PRKN: variants seen among roughly 807,000 people sequenced by gnomAD.
PRKN encodes parkin RBR E3 ubiquitin protein ligase.
A neutral mutation model predicts 59.5 loss-of-function variants in PRKN; 56 were observed. The ratio of observed to expected loss-of-function variants is 0.94; its 90% CI spans 0.76 to 1.18. PRKN has a LOEUF of 1.18. PRKN is among the 50% of genes most tolerant of loss of function. PRKN has a pLI of 0.00. For missense variants in PRKN, 657 were observed against 596.4 expected (o/e 1.10, Z -1.06); for synonymous variants, 250 against 222.1 (o/e 1.13, Z -1.12).
chr6:161,684,267 C>CT (rs200505152), intron 7 of PRKN, among the ~76,000 whole-genome samples: 6,812 of 151,854 alleles, frequency 0.045, 229 homozygotes, highest in Middle Eastern at 0.082. Context: ...ATTATTACAA[C>CT]TTTTTTTTGT....
chr6:161,681,784 A>G (rs1785374975), intron 7 of PRKN, among the ~76,000 whole-genome samples: 1 of 152,188 alleles, frequency 6.6e-6, no homozygotes, highest in African/African-American at 2.4e-5. Flanking sequence ...CACAGTCCCA[A>G]GGGGTAGGCA....
intron 1 of PRKN, among the ~76,000 whole-genome samples, chr6:162,580,973 A>C (rs572473029): frequency 6.8e-4 from 103 of 152,330 alleles, no homozygotes; most frequent in African/African-American, 2.4e-3. Context: ...TGCTGAATTG[A>C]GAAAACATTA....
At position 161,400,227 on chromosome 6, in the gene PRKN, C is replaced by T. The variant is rs1040655734; in HGVS notation, c.1084-13350G>A. 3.3e-5 allele frequency among the ~76,000 whole-genome samples: 5 copies of T among 151,978 alleles called. No homozygotes were observed. Among genetic ancestry groups the T allele is most frequent in the Admixed American group, 6.6e-5 (1 of 15,266 alleles). ...CAGTTAAGGGTCCACAGAACAAAAG[C>T]GACAGAACACCTCCAATATTTTAGA... is the stretch of plus-strand genomic sequence containing the variant. On this transcript the variant is annotated intron_variant, in intron 9 of 11. Coordinates refer to ENST00000366898, the MANE Select transcript of PRKN (RefSeq NM_004562.3). The surrounding 1 kb of genome is among the most constrained non-coding windows in gnomAD (Gnocchi z 4.2).
intron 7 of PRKN, among the ~76,000 whole-genome samples, chr6:161,725,138 A>G (rs1221285367): frequency 6.6e-6 from 1 of 152,252 alleles, no homozygotes; most frequent in Non-Finnish European, 1.5e-5. Flanking sequence ...TGAGCCAATG[A>G]AACCTCTTTC....
rs1247187053 is a variant in PRKN at position 161,946,414 on chromosome 6, A to ACACACACACACACACACACACTCTCT, written c.734+26887_734+26888insAGAGAGTGTGTGTGTGTGTGTGTGTG. 6.9e-3 allele frequency among the ~76,000 whole-genome samples: 789 copies of ACACACACACACACACACACACTCTCT among 114,272 alleles called. 4 individuals are homozygous for ACACACACACACACACACACACTCTCT. Among genetic ancestry groups the ACACACACACACACACACACACTCTCT allele is most frequent in the Non-Finnish European group, 0.011 (616 of 57,724 alleles). The allele number at this position is 114,272 out of a possible 152,430, so 75.0% of individuals were successfully genotyped here. On this transcript the variant is annotated intron_variant, in intron 6 of 11. Coordinates refer to ENST00000366898, the MANE Select transcript of PRKN (RefSeq NM_004562.3). ...CACACACACACACACACACACACAC[A>ACACACACACACACACACACACTCTCT]CTCTCTCTCTCTCTCTCTCTCTCTC...
intron 7 of PRKN, among the ~76,000 whole-genome samples, chr6:161,680,751 ATATATATATATATATATATATATAT>A (rs1262260134): frequency 0.05 from 786 of 15,582 alleles, 48 homozygotes; most frequent in East Asian, 0.19. Context: ...ATATATATAT[ATATATATATATATATATATATATAT>A]TTTTTTTTTT....
At chr6:162,419,147 T>C (rs1788823463) in intron 2 of PRKN, among the ~76,000 whole-genome samples, 1 of 152,088 alleles carries the variant, frequency 6.6e-6, no homozygotes, top group Non-Finnish European at 1.5e-5. Flanking sequence ...TGTCTTGGCT[T>C]GGATGTTCTA....
Position 161,529,176 on chromosome 6 carries a change from G to A in PRKN, c.1083+19678C>T, listed in dbSNP as rs1394016717. ...GCCTTCCTGTTCCAGTGAAATTTAG[G>A]GTATTGAAAGGCAAGAGTCTCATCT... is the stretch of plus-strand genomic sequence containing the variant. On this transcript the variant is annotated intron_variant, in intron 9 of 11. Transcript: ENST00000366898. This position sits in a 1 kb window ranked among gnomAD's most constrained non-coding sequence, Gnocchi z 4.4. Among the ~76,000 whole-genome samples, 1 of 152,124 alleles carries A rather than the reference G, an allele frequency of 6.6e-6. No homozygotes were observed. The highest frequency in any genetic ancestry group is 1.5e-5 in the Non-Finnish European group (1 of 68,018).
chr6:161,919,141 T>C (rs946968753), intron 6 of PRKN, among the ~76,000 whole-genome samples: 14 of 152,192 alleles, frequency 9.2e-5, no homozygotes, highest in Non-Finnish European at 1.6e-4. Context: ...GGTGAATGGA[T>C]AAACAAAAGG....
chr6:161,591,188 T>G (rs1392280036), intron 7 of PRKN, among the ~76,000 whole-genome samples: 1 of 152,110 alleles, frequency 6.6e-6, no homozygotes, highest in Admixed American at 6.5e-5. Context: ...AAGAAACAAA[T>G]GTGGTCAGTG....
At chr6:161,425,179 A>G (rs1160721203) in intron 9 of PRKN, among the ~76,000 whole-genome samples, 2 of 152,148 alleles carry the variant, frequency 1.3e-5, no homozygotes, top group South Asian at 2.1e-4. Flanking sequence ...AGAGGCTCAT[A>G]TAACTACTTT....
At chr6:161,726,775 GC>G (rs891578520) in intron 7 of PRKN, among the ~76,000 whole-genome samples, 1 of 152,136 alleles carries the variant, frequency 6.6e-6, no homozygotes, top group African/African-American at 2.4e-5. Flanking sequence ...ATAGAGAGAT[GC>G]CCTAGAGGAC....
intron 9 of PRKN, among the ~76,000 whole-genome samples, chr6:161,537,357 C>A (rs548094384): frequency 3.8e-4 from 58 of 152,270 alleles, no homozygotes; most frequent in Non-Finnish European, 7.2e-4. Context: ...GTTGACTGGA[C>A]TATCTCTTCT....
chr6:162,064,828 A>C (rs1183821978), intron 4 of PRKN, among the ~76,000 whole-genome samples: 1 of 152,240 alleles, frequency 6.6e-6, no homozygotes, highest in Non-Finnish European at 1.5e-5. Context: ...AGCTGACCCA[A>C]TGTGGTTGAA....
chr6:162,175,811 T>C (rs1416349372), intron 4 of PRKN, among the ~76,000 whole-genome samples: 1 of 152,196 alleles, frequency 6.6e-6, no homozygotes, highest in Non-Finnish European at 1.5e-5. Flanking sequence ...GATGATGCAA[T>C]GCAAATGTCC....
At chr6:161,900,525 A>G (rs1186465714) in intron 6 of PRKN, among the ~76,000 whole-genome samples, 1 of 129,442 alleles carries the variant, frequency 7.7e-6, no homozygotes, top group Non-Finnish European at 1.6e-5. Context: ...TATACAACAT[A>G]TCTTTTATAT....
chr6:161,424,144 C>A (rs1490360399), intron 9 of PRKN, among the ~76,000 whole-genome samples: 1 of 152,064 alleles, frequency 6.6e-6, no homozygotes, highest in Non-Finnish European at 1.5e-5. Context: ...CAAGGCCAGC[C>A]TGGCCAACAT....
At chr6:162,687,375 G>A (rs1019680723) in intron 1 of PRKN, among the ~76,000 whole-genome samples, 2 of 151,836 alleles carry the variant, frequency 1.3e-5, no homozygotes, top group African/African-American at 2.4e-5. Flanking sequence ...TAGTGGAGAC[G>A]GGGTTTCACC....
chr6:161,401,017 G>C lies in PRKN; in HGVS notation c.1084-14140C>G, dbSNP rs559849073. On this transcript the variant is annotated intron_variant, in intron 9 of 11. Coordinates refer to ENST00000366898, the MANE Select transcript of PRKN (RefSeq NM_004562.3). The surrounding 1 kb of genome is among the most constrained non-coding windows in gnomAD (Gnocchi z 4.4). ...ACACTGCAAACAAACATCTGTTTCT[G>C]ATGGCTGCAGCACCATCCTTCATTA... Among the ~76,000 whole-genome samples, 3 of 152,240 alleles carry C rather than the reference G, an allele frequency of 2.0e-5. No homozygotes were observed. In the South Asian group the frequency reaches 6.2e-4, roughly 32 times the overall value.
Sources: gnomAD v4.1 joint callset for allele counts (sites outside exome capture counted in the v4.1 genomes callset) on GRCh38, gnomAD v4.1.1 for gene constraint, Gnocchi (gnomAD v3.1) non-coding constraint, MANE v1.5 for transcripts, NCBI Gene and HGNC (gene_info 2026-07-23, HGNC 2026-07-21) for gene names.